The following TMEM62 variants were observed in gnomAD, a reference collection of about 807,000 sequenced individuals.
TMEM62 encodes the protein transmembrane protein 62.
TMEM62 carries 41 observed loss-of-function variants against 70.4 expected under a neutral mutation model. That is an observed-to-expected ratio of 0.58 (90% CI 0.45 to 0.76). TMEM62 has a LOEUF of 0.76. Ranked by LOEUF, TMEM62 falls within the 30% of genes least tolerant of loss-of-function variation. TMEM62 has a pLI of 0.00. For synonymous variants in TMEM62, 268 were observed against 291.0 expected, an observed-to-expected ratio of 0.92 and a Z score of 0.80; for missense variants, 688 against 788.5, an observed-to-expected ratio of 0.87 and a Z score of 1.53.
At chr15:43,146,806 C>T (rs1244535487) in intron 5 of TMEM62, among the ~76,000 whole-genome samples, 172 bp downstream of exon 5, 2 of 152,170 alleles carry the variant, frequency 1.3e-5, no homozygotes, top group African/African-American at 4.8e-5. Flanking sequence ...ACTATTTTTG[C>T]TATCCTTTTT....
rs532396048 is a variant in TMEM62, at chr15:43,176,178, G to A, written c.1382-2429G>A. On this transcript the variant is annotated intron_variant, in intron 11 of 13. Transcript: ENST00000260403. ...GCTTGCTTAGGTAAACAAAGCAGCC[G>A]GGAAGCTCGAACTGGGTGGAGCCCA... 1.7e-3 allele frequency among the ~76,000 whole-genome samples: 262 copies of A among 152,342 alleles called. No homozygotes were observed. In the Middle Eastern group the frequency reaches 0.027, roughly 16 times the overall value.
chr15:43,146,393 T>C (rs1372583274), intron 4 of TMEM62, 100 bp from the exon 5 acceptor site: 4 of 1,124,716 alleles, frequency 3.6e-6, no homozygotes, highest in Non-Finnish European at 5.0e-6. Context: ...GATCAGCAAA[T>C]CTCGTTTTCA....
chr15:43,180,043 T>C (rs1017863796), intron 12 of TMEM62: 2 of 152,266 alleles, frequency 1.3e-5, no homozygotes, highest in Non-Finnish European at 2.9e-5. Flanking sequence ...ATGTCTTTAA[T>C]GCAGTTTATA....
chr15:43,182,519 T>A (rs981095993), intron 13 of TMEM62, among the ~76,000 whole-genome samples: 16 of 151,722 alleles, frequency 1.1e-4, no homozygotes, highest in Middle Eastern at 3.4e-3. Context: ...AATGGCATCG[T>A]CTCGGCTCAC....
chr15:43,158,496 T>C (rs147070749), intron 9 of TMEM62, among the ~76,000 whole-genome samples: 1 of 152,354 alleles, frequency 6.6e-6, no homozygotes, highest in East Asian at 1.9e-4. Flanking sequence ...AAACTTAACA[T>C]TTGGCTCTTA....
intron 9 of TMEM62, among the ~76,000 whole-genome samples, chr15:43,158,842 C>A (rs72721541): frequency 1.1e-4 from 17 of 152,208 alleles, no homozygotes; most frequent in Non-Finnish European, 1.8e-4. Context: ...GAGTCTTTTA[C>A]ATTTAGTAGT....
chr15:43,145,085 CAG>C (rs1214731404), intron 4 of TMEM62, among the ~76,000 whole-genome samples: 43 of 93,316 alleles, frequency 4.6e-4, no homozygotes, highest in Non-Finnish European at 8.2e-4. Flanking sequence ...GCCTGGGCGA[CAG>C]AGTGAGACTC....
intron 11 of TMEM62, among the ~76,000 whole-genome samples, chr15:43,172,823 A>G (rs143314033): frequency 2.3e-3 from 350 of 152,354 alleles, no homozygotes; most frequent in Non-Finnish European, 3.0e-3. Flanking sequence ...AAACATATAG[A>G]CTATCAAAAA....
At chr15:43,175,468 A>T (rs766736552) in intron 11 of TMEM62, among the ~76,000 whole-genome samples, 7 of 152,020 alleles carry the variant, frequency 4.6e-5, no homozygotes, top group Non-Finnish European at 2.9e-5. Flanking sequence ...TCCTCAGCTG[A>T]CTGGTTTATG....
chr15:43,159,896 A>T (rs569150168), intron 9 of TMEM62, among the ~76,000 whole-genome samples: 4 of 152,188 alleles, frequency 2.6e-5, no homozygotes, highest in Non-Finnish European at 2.9e-5. Flanking sequence ...AAATAAAAAA[A>T]TTTTTTTTAA....
chr15:43,138,085 C>T (rs1053568337), intron 3 of TMEM62, among the ~76,000 whole-genome samples: 4 of 152,198 alleles, frequency 2.6e-5, no homozygotes, highest in Non-Finnish European at 5.9e-5. Flanking sequence ...AGCTTGGGAC[C>T]TAAGTCCATC....
At chr15:43,168,384 G>A (rs1182611870) in intron 10 of TMEM62, among the ~76,000 whole-genome samples, 1 of 152,034 alleles carries the variant, frequency 6.6e-6, no homozygotes, top group African/African-American at 2.4e-5. Flanking sequence ...CTACTGCTTG[G>A]CTACTGCTGA....
In TMEM62 at chr15:43,156,261, A is replaced by C. The variant is rs528057940; in HGVS notation, c.1182+1430A>C. ...CCCTCTAAGGAGATGCTAGGCACTTAGAATTTTTTACTTAATCCACAAAAC... is the reference window on the plus strand; with the variant it reads ...CCCTCTAAGGAGATGCTAGGCACTTCGAATTTTTTACTTAATCCACAAAAC... On this transcript the variant is annotated intron_variant, in intron 9 of 13. Coordinates refer to ENST00000260403, the MANE Select transcript of TMEM62 (RefSeq NM_024956.4). Among the ~76,000 whole-genome samples, 4 of 152,340 alleles carry C rather than the reference A, an allele frequency of 2.6e-5. No individual in the cohort carries two copies. In the East Asian group the frequency reaches 7.7e-4, roughly 29 times the overall value.
rs2038590078 is a variant in TMEM62, at chr15:43,160,667, G to GAA, written c.1183-14_1183-13insAA. The GAA allele has an allele frequency of 6.9e-7, 1 of 1,449,002 alleles. No homozygotes were observed. The highest frequency in any genetic ancestry group is 1.4e-5 in the African/African-American group (1 of 70,818). The allele number at this position is 1,449,002 out of a possible 1,614,324, so 89.8% of individuals were successfully genotyped here. A position where few individuals can be genotyped will look rare whatever the true frequency, so the allele number is the denominator to read the frequency against. ...TGTACATGAAAGTTACTTTTCTTCTGTGGTTATTACTAGGATTCTGCTGGA... is the reference window on the plus strand; with the variant it reads ...TGTACATGAAAGTTACTTTTCTTCTGAATGGTTATTACTAGGATTCTGCTGGA... On this transcript the variant is annotated splice_polypyrimidine_tract_variant and intron_variant, in intron 9 of 13. Coordinates refer to ENST00000260403, the MANE Select transcript of TMEM62 (RefSeq NM_024956.4).
intron 11 of TMEM62, among the ~76,000 whole-genome samples, chr15:43,173,973 C>T (rs1453835425): frequency 6.6e-6 from 1 of 151,432 alleles, no homozygotes; most frequent in Non-Finnish European, 1.5e-5. Flanking sequence ...AATTCTCTTG[C>T]CTCAGCCTCC....
At chr15:43,142,311 G>A (rs1259837227) in intron 4 of TMEM62, among the ~76,000 whole-genome samples, 1 of 151,536 alleles carries the variant, frequency 6.6e-6, no homozygotes, top group Non-Finnish European at 1.5e-5. Flanking sequence ...GACTACAGGC[G>A]CCTGCCACCA....
intron 3 of TMEM62, among the ~76,000 whole-genome samples, chr15:43,137,294 C>T (rs1268299051): frequency 6.6e-6 from 1 of 152,160 alleles, no homozygotes; most frequent in East Asian, 1.9e-4. Context: ...CTTTTAGAAT[C>T]ACATGATTAA....
intron 13 of TMEM62, among the ~76,000 whole-genome samples, chr15:43,183,098 C>T (rs1421208074): frequency 6.6e-6 from 1 of 152,224 alleles, no homozygotes; most frequent in Non-Finnish European, 1.5e-5. Flanking sequence ...TAATAAATGA[C>T]TCCACCATTC....
intron 4 of TMEM62, among the ~76,000 whole-genome samples, chr15:43,140,812 T>G (rs1355751924): frequency 1.3e-5 from 2 of 152,184 alleles, no homozygotes. Flanking sequence ...CATGCTTCCC[T>G]TCCAGAAGCA....
Sources: gnomAD v4.1 joint callset for allele counts (sites outside exome capture counted in the v4.1 genomes callset) on GRCh38, gnomAD v4.1.1 for gene constraint, MANE v1.5 for transcripts, NCBI Gene and HGNC (gene_info 2026-07-23, HGNC 2026-07-21) for gene names.